Variants in AFM observed in about 807,000 individuals in gnomAD.
AFM encodes alpha-Alb.
AFM carries 82 observed loss-of-function variants against 68.7 expected under a neutral mutation model. The observed-to-expected ratio is 1.19, with a 90% confidence interval of 1.00 to 1.43. The LOEUF is 1.43. Ranked by LOEUF, AFM falls within the 40% of genes most tolerant of loss-of-function variation. The probability of loss-of-function intolerance (pLI) is 0.00; values close to 1 mark genes in which losing one functional copy is unlikely to be tolerated. For synonymous variants in AFM, 250 were observed against 234.2 expected, an observed-to-expected ratio of 1.07 and a Z score of -0.61; for missense variants, 772 against 701.8, an observed-to-expected ratio of 1.10 and a Z score of -1.13.
At chr4:73,486,169 T>TCAATAAA in intron 4 of AFM, 96 bp downstream of exon 4, 1 of 1,016,296 alleles carries the variant, frequency 9.8e-7, no homozygotes, top group Non-Finnish European at 1.5e-6. Context: ...GGTTCATTAA[T>TCAATAAA]TTATTGATTA....
At chr4:73,487,895 TA>T in intron 6 of AFM, 74 bp downstream of exon 6, 1 of 1,052,802 alleles carries the variant, frequency 9.5e-7, no homozygotes, top group Non-Finnish European at 1.5e-6. Context: ...AAATGGTTGA[TA>T]ACTTTTTATT....
Position 73,486,037 on chromosome 4 carries a change from AG to A in AFM, c.448del (p.Ala150LeufsTer10), listed in dbSNP as rs779385944. The A allele has an allele frequency of 6.2e-7, 1 of 1,614,058 alleles. No individual in the cohort carries two copies. Among genetic ancestry groups the A allele is most frequent in the Non-Finnish European group, 8.5e-7 (1 of 1,179,940 alleles). On this transcript the variant is annotated frameshift_variant, in exon 4 of 15. Transcript: ENST00000226355. LOFTEE classifies it high-confidence loss of function. ...FPTLDPEEKC[Q>X]AYESNRESLL... ...ACCCTGGATCCCGAAGAGAAATGCC[AG>A]GCTTATGAAAGTAACAGAGAATCCC...
chr4:73,494,298 G>A (rs1447503624), intron 8 of AFM, among the ~76,000 whole-genome samples: 1 of 152,042 alleles, frequency 6.6e-6, no homozygotes, highest in Non-Finnish European at 1.5e-5. Flanking sequence ...GGGGTGGGGA[G>A]GGGATGAAAA....
At chr4:73,487,189 C>T (rs1396616212) in intron 5 of AFM, 90 bp downstream of exon 5, 6 of 1,393,094 alleles carry the variant, frequency 4.3e-6, no homozygotes, top group Non-Finnish European at 5.9e-6. Context: ...AAAAGGCTTG[C>T]TTACCATATA....
At chr4:73,486,514 C>G (rs1425574802) in intron 4 of AFM, among the ~76,000 whole-genome samples, 1 of 152,160 alleles carries the variant, frequency 6.6e-6, no homozygotes, top group Non-Finnish European at 1.5e-5. Context: ...TCCTTGAAAT[C>G]TAAATCTAAA....
At chr4:73,488,480 C>A in intron 6 of AFM, 150 bp from the exon 7 acceptor site, 1 of 620,900 alleles carries the variant, frequency 1.6e-6, no homozygotes. Context: ...GGCTGTGCAC[C>A]AACTATTTGA....
chr4:73,483,872 T>C, intron 1 of AFM, 69 bp from the exon 2 acceptor site: 1 of 1,295,798 alleles, frequency 7.7e-7, no homozygotes, highest in South Asian at 1.4e-5. Flanking sequence ...AAATGCCATG[T>C]ATAGTTATTT....
At chr4:73,486,200 C>A in intron 4 of AFM, 127 bp downstream of exon 4, 3 of 814,910 alleles carry the variant, frequency 3.7e-6, no homozygotes, top group Admixed American at 2.6e-5. Context: ...TCATTCAAAA[C>A]ATACTGTGTG....
chr4:73,495,942 G>A (rs770620966), intron 9 of AFM, among the ~76,000 whole-genome samples: 13 of 152,274 alleles, frequency 8.5e-5, no homozygotes, highest in South Asian at 2.1e-4. Flanking sequence ...GTACATATAC[G>A]TATATATACG....
intron 14 of AFM, 67 bp downstream of exon 14, chr4:73,503,177 T>G (rs1475942249): frequency 8.3e-7 from 1 of 1,210,598 alleles, no homozygotes; most frequent in African/African-American, 1.5e-5. Context: ...TTGCCTTTTC[T>G]CCCTCATGCT....
In AFM at chr4:73,491,957, G is replaced by T; in HGVS notation, c.929G>T (p.Arg310Leu). ...TGCTGTGAAAAGAAAATACCAGAGCGCGGCCAGTGCATAATTAACTCAAAC... is the reference window on the plus strand; with the variant it reads ...TGCTGTGAAAAGAAAATACCAGAGCTCGGCCAGTGCATAATTAACTCAAAC... ...KECCEKKIPE[R>L]GQCIINSNKD... The change falls in exon 8 of 15, where the codon CGC becomes CTC. Residue 310 changes from arginine (R) to leucine (L), a missense_variant. Coordinates refer to ENST00000226355, the MANE Select transcript of AFM (RefSeq NM_001133.2). 2.5e-6 allele frequency: 4 copies of T among 1,613,892 alleles called. No individual in the cohort carries two copies. The highest frequency in any genetic ancestry group is 1.1e-5 in the South Asian group (1 of 91,042).
At chr4:73,502,093 T>C (rs1721438371) in intron 13 of AFM, among the ~76,000 whole-genome samples, 174 bp downstream of exon 13, 1 of 152,164 alleles carries the variant, frequency 6.6e-6, no homozygotes, top group Non-Finnish European at 1.5e-5. Context: ...TTGAGCAGTG[T>C]CTCCTTAGTA....
In AFM at chr4:73,499,191, C is replaced by T. The variant is rs769219985; in HGVS notation, c.1367C>T (p.Thr456Ile). Reference sequence around the variant, plus strand: ...GTGTCTCTTGGCGAGAAAATGGTGACAGCTTTCACTACTTGCTGTACGCTA... The same window carrying T: ...GTGTCTCTTGGCGAGAAAATGGTGATAGCTTTCACTACTTGCTGTACGCTA... ...ELVSLGEKMV[T>I]AFTTCCTLSE... is the part of the protein sequence containing the mutation. The change falls in exon 11 of 15, where the codon ACA becomes ATA. Residue 456 changes from threonine to isoleucine, a missense_variant. By Grantham distance (89) the Thr-to-Ile change is moderately conservative. Coordinates refer to ENST00000226355, the MANE Select transcript of AFM (RefSeq NM_001133.2). 1.2e-6 allele frequency: 2 copies of T among 1,613,006 alleles called. No homozygotes were observed. Among genetic ancestry groups the T allele is most frequent in the Admixed American group, 3.3e-5 (2 of 59,916 alleles).
intron 8 of AFM, 131 bp from the exon 9 acceptor site, chr4:73,495,169 G>T (rs530054392): frequency 5.1e-6 from 4 of 784,356 alleles, no homozygotes; most frequent in South Asian, 6.0e-5. Context: ...ATTACTCTGT[G>T]ACCAAGACAG....
chr4:73,484,461 TC>T, intron 3 of AFM, 71 bp downstream of exon 3: 1 of 491,270 alleles, frequency 2.0e-6, no homozygotes, highest in Non-Finnish European at 3.5e-6. Flanking sequence ...TTTCTTTCTT[TC>T]TTTCTTTCTT....
In AFM at chr4:73,487,522, A is replaced by G. The variant is rs1720934045; in HGVS notation, c.616-202A>G. On this transcript the variant is annotated intron_variant, in intron 5 of 14. Transcript: ENST00000226355. ...GCACCTTTTTACCAAGTGCAATTCA[A>G]TCATCAGCAAGACTGGTCCTACCTT... Among the ~76,000 whole-genome samples, 3 of 152,178 alleles carry G rather than the reference A, an allele frequency of 2.0e-5. No individual in the cohort carries two copies. In the South Asian group the frequency reaches 6.2e-4, roughly 32 times the overall value.
At chr4:73,495,734 G>T (rs1412603091) in intron 9 of AFM, among the ~76,000 whole-genome samples, 1 of 152,126 alleles carries the variant, frequency 6.6e-6, no homozygotes, top group African/African-American at 2.4e-5. Flanking sequence ...GATATTACAT[G>T]ATTTCAAAAG....
chr4:73,491,996 C>A lies in AFM; in HGVS notation c.968C>A (p.Pro323Gln). 2 of 1,613,670 alleles carry A rather than the reference C, an allele frequency of 1.2e-6. No homozygotes were observed. Among genetic ancestry groups the A allele is most frequent in the South Asian group, 1.1e-5 (1 of 90,970 alleles). ...ATTAACTCAAACAAAGATGATAGAC[C>A]AAAGGATTTATCTCTAAGAGAAGGA... is the stretch of plus-strand genomic sequence containing the variant. ...CIINSNKDDR[P>Q]KDLSLREGKF... Residue 323 changes from proline (P) to glutamine (Q), a missense_variant, in exon 8 of 15, where the codon CCA becomes CAA. Coordinates refer to ENST00000226355, the MANE Select transcript of AFM (RefSeq NM_001133.2).
intron 7 of AFM, among the ~76,000 whole-genome samples, chr4:73,490,933 A>AT (rs962821542): frequency 5.9e-5 from 9 of 152,020 alleles, no homozygotes; most frequent in African/African-American, 1.7e-4. Context: ...TCCCCATTTT[A>AT]TTTTTTACCT....
Sources: gnomAD v4.1 joint callset for allele counts (sites outside exome capture counted in the v4.1 genomes callset) on GRCh38, gnomAD v4.1.1 for gene constraint, MANE v1.5 for transcripts, NCBI Gene and HGNC (gene_info 2026-07-23, HGNC 2026-07-21) for gene names.